TPRG1: variants seen among roughly 807,000 people sequenced by gnomAD.
The protein encoded by TPRG1 is tumor protein p63 regulated 1, also known as tumor protein p63-regulated gene 1 protein.
Under a neutral mutation model 29.3 loss-of-function variants are expected in TPRG1, and 29 were observed. That is an observed-to-expected ratio of 0.99 (90% CI 0.74 to 1.35). The LOEUF is 1.35. Ranked by LOEUF, TPRG1 falls within the 40% of genes most tolerant of loss-of-function variation. TPRG1 has a pLI of 0.00. For synonymous variants in TPRG1, 130 were observed against 116.8 expected, an observed-to-expected ratio of 1.11 and a Z score of -0.73; for missense variants, 327 against 335.0, an observed-to-expected ratio of 0.98 and a Z score of 0.19.
chr3:189,025,821 T>G (rs1210203745), intron 4 of TPRG1, among the ~76,000 whole-genome samples: 1 of 152,172 alleles, frequency 6.6e-6, no homozygotes, highest in Non-Finnish European at 1.5e-5. Context: ...TTGACATATC[T>G]ACAGTGAAAA....
chr3:189,274,388 A>C (rs1715738249), intron 4 of TPRG1, among the ~76,000 whole-genome samples: 1 of 150,776 alleles, frequency 6.6e-6, no homozygotes, highest in African/African-American at 2.4e-5. Flanking sequence ...GGAAAAATGT[A>C]ATTGCCGTTT....
At chr3:189,130,641 G>A (rs965251069) in intron 2 of TPRG1, among the ~76,000 whole-genome samples, 1 of 152,158 alleles carries the variant, frequency 6.6e-6, no homozygotes, top group East Asian at 1.9e-4. Context: ...TTCTGTGAGT[G>A]TGAGGGCTCT....
chr3:189,255,255 G>A (rs953620748), intron 4 of TPRG1, among the ~76,000 whole-genome samples: 1 of 152,114 alleles, frequency 6.6e-6, no homozygotes, highest in African/African-American at 2.4e-5. Context: ...TTTATCAAAG[G>A]CCTTTTCTGC....
At chr3:189,189,468 TA>T (rs1294633708) in intron 1 of TPRG1, among the ~76,000 whole-genome samples, 2 of 152,218 alleles carry the variant, frequency 1.3e-5, no homozygotes, top group African/African-American at 4.8e-5. Context: ...ATTGTTATTT[TA>T]AAAAAATTGG....
At chr3:189,009,575 G>A (rs921834816) in intron 3 of TPRG1, among the ~76,000 whole-genome samples, 1 of 152,068 alleles carries the variant, frequency 6.6e-6, no homozygotes, top group South Asian at 2.1e-4. Flanking sequence ...AGCACCTGCA[G>A]AAATGCAAAG....
At position 189,322,175 on chromosome 3, in the gene TPRG1, G is replaced by T. The variant is rs1218270246; in HGVS notation, c.*1355G>T. On this transcript the variant is annotated 3_prime_UTR_variant, in exon 6 of 6. Transcript: ENST00000345063. ...CAAGACTCAAAATTGACACATCTTT[G>T]TTGATGTTTAAGTTGAAATTCCAGC... 1 of 151,882 alleles carries T rather than the reference G, an allele frequency of 6.6e-6. No homozygotes were observed. Among genetic ancestry groups the T allele is most frequent in the Non-Finnish European group, 1.5e-5 (1 of 67,940 alleles). 9.4% of individuals were successfully genotyped at this position (151,882 alleles called of 1,614,324 possible).
chr3:189,091,251 A>G (rs1431478871), intron 4 of TPRG1, among the ~76,000 whole-genome samples: 1 of 151,992 alleles, frequency 6.6e-6, no homozygotes, highest in Non-Finnish European at 1.5e-5. Context: ...AGTGCATTTG[A>G]GTTTTATTGT....
intron 4 of TPRG1, among the ~76,000 whole-genome samples, chr3:189,285,040 T>G (rs1717819085): frequency 6.6e-6 from 1 of 151,904 alleles, no homozygotes; most frequent in Non-Finnish European, 1.5e-5. Context: ...AATCTACTCA[T>G]CTGACAAAGG....
chr3:189,195,376 G>GA (rs1433709513), intron 1 of TPRG1, among the ~76,000 whole-genome samples: 1 of 152,162 alleles, frequency 6.6e-6, no homozygotes, highest in Non-Finnish European at 1.5e-5. Flanking sequence ...AGTGGTAGGT[G>GA]AAGTGGCTTC....
chr3:189,247,965 AT>A (rs55902109), intron 4 of TPRG1, among the ~76,000 whole-genome samples: 15,185 of 150,004 alleles, frequency 0.1, 893 homozygotes, highest in East Asian at 0.16. Context: ...TGACATATAG[AT>A]TTTTTTTTTA....
intron 1 of TPRG1, among the ~76,000 whole-genome samples, chr3:188,997,625 A>G (rs1444902809): frequency 6.6e-6 from 1 of 152,168 alleles, no homozygotes; most frequent in Admixed American, 6.5e-5. Flanking sequence ...GTCACCCTCG[A>G]TCTGACTCAA....
chr3:189,044,086 A>G (rs1373604977), intron 4 of TPRG1, among the ~76,000 whole-genome samples: 1 of 152,158 alleles, frequency 6.6e-6, no homozygotes, highest in Non-Finnish European at 1.5e-5. Context: ...TAAATAAATG[A>G]ATATATAAAA....
intron 5 of TPRG1, among the ~76,000 whole-genome samples, chr3:189,317,647 C>T (rs1055308764): frequency 5.3e-5 from 8 of 152,214 alleles, no homozygotes; most frequent in Non-Finnish European, 1.2e-4. Flanking sequence ...ACCCCTCTGC[C>T]TGATCCTATA....
intron 1 of TPRG1, among the ~76,000 whole-genome samples, chr3:189,203,688 T>C (rs540119990): frequency 6.6e-6 from 1 of 152,340 alleles, no homozygotes; most frequent in East Asian, 1.9e-4. Context: ...TGTAGCATTT[T>C]GCTTCTTTCA....
chr3:189,186,988 T>TTG (rs1171780851), intron 1 of TPRG1, among the ~76,000 whole-genome samples: 3 of 127,388 alleles, frequency 2.4e-5, no homozygotes, highest in African/African-American at 3.3e-5. Flanking sequence ...CTAAAGTGTT[T>TTG]TTTTTTTTTT....
chr3:189,038,466 A>C (rs1428232824), intron 4 of TPRG1, among the ~76,000 whole-genome samples: 1 of 152,112 alleles, frequency 6.6e-6, no homozygotes, highest in Non-Finnish European at 1.5e-5. Flanking sequence ...AGAAAAGTAA[A>C]ATTTGATAAA....
intron 4 of TPRG1, among the ~76,000 whole-genome samples, chr3:189,078,565 C>A (rs900427477): frequency 1.3e-5 from 2 of 152,172 alleles, no homozygotes; most frequent in Admixed American, 1.3e-4. Context: ...AAATTTCTTA[C>A]CCATAGCTAG....
At chr3:189,242,950 TA>T (rs1740851670) in intron 4 of TPRG1, among the ~76,000 whole-genome samples, 1 of 152,194 alleles carries the variant, frequency 6.6e-6, no homozygotes, top group Non-Finnish European at 1.5e-5. Context: ...GCTGAAGGCA[TA>T]AAGTTGTTAA....
At chr3:189,260,095 G>A (rs890269122) in intron 4 of TPRG1, among the ~76,000 whole-genome samples, 2 of 152,054 alleles carry the variant, frequency 1.3e-5, no homozygotes, top group African/African-American at 4.8e-5. Flanking sequence ...TTTCCCTCTG[G>A]GTGACCTGGA....
Sources: gnomAD v4.1 joint callset for allele counts (sites outside exome capture counted in the v4.1 genomes callset) on GRCh38, gnomAD v4.1.1 for gene constraint, MANE v1.5 for transcripts, NCBI Gene and HGNC (gene_info 2026-07-23, HGNC 2026-07-21) for gene names.